GNAZ: variants seen among roughly 807,000 people sequenced by gnomAD.
The protein encoded by GNAZ is guanine nucleotide-binding protein G(z) subunit alpha.
In GNAZ, 3 loss-of-function variants were observed where a neutral mutation model predicts 25.4. The observed-to-expected ratio is 0.12, with a 90% CI of 0.05 to 0.30. The LOEUF is 0.30. GNAZ is among the 10% of genes least tolerant of loss of function. GNAZ has a pLI of 1.00. For missense variants in GNAZ, 241 were observed against 501.8 expected, an observed-to-expected ratio of 0.48 and a Z score of 4.97; for synonymous variants, 211 against 205.7, an observed-to-expected ratio of 1.03 and a Z score of -0.22.
chr22:23,110,124 G>A (rs1377021291), intron 2 of GNAZ, among the ~76,000 whole-genome samples: 1 of 152,240 alleles, frequency 6.6e-6, no homozygotes, highest in Non-Finnish European at 1.5e-5. Flanking sequence ...AGCAGTGGGA[G>A]GATGACCAGG....
At chr22:23,076,245 C>A (rs999856684) in intron 1 of GNAZ, among the ~76,000 whole-genome samples, 1 of 152,350 alleles carries the variant, frequency 6.6e-6, no homozygotes, top group East Asian at 1.9e-4. Context: ...GCGTGACCTG[C>A]TCCCTATTTG....
Position 23,073,475 on chromosome 22 carries a change from G to A in GNAZ, c.-450+2905G>A, listed in dbSNP as rs184094863. 3.1e-4 allele frequency among the ~76,000 whole-genome samples: 47 copies of A among 152,354 alleles called. No homozygotes were observed. In the East Asian group the frequency reaches 6.0e-3, roughly 19 times the overall value. ...CAGTCTAGGTGGCAGAAGACCTGGA[G>A]TCAGGTCCTGGTCCCACCATCCTAG... On this transcript the variant is annotated intron_variant, in intron 1 of 2. Coordinates refer to ENST00000615612, the MANE Select transcript of GNAZ (RefSeq NM_002073.4).
At chr22:23,089,956 G>T (rs190796256) in intron 1 of GNAZ, among the ~76,000 whole-genome samples, 22 of 152,302 alleles carry the variant, frequency 1.4e-4, no homozygotes, top group African/African-American at 5.3e-4. Flanking sequence ...GGGCTTCTTG[G>T]CCTCTGGCTG....
intron 2 of GNAZ, among the ~76,000 whole-genome samples, chr22:23,099,895 CTTG>C (rs2069244889): frequency 6.6e-6 from 1 of 152,268 alleles, no homozygotes; most frequent in Non-Finnish European, 1.5e-5. Context: ...TAGGTGGGCA[CTTG>C]TTGCCCAACC....
At chr22:23,082,115 ACTCCGCCTC>A (rs2068697768) in intron 1 of GNAZ, among the ~76,000 whole-genome samples, 1 of 136,586 alleles carries the variant, frequency 7.3e-6, no homozygotes, top group African/African-American at 2.9e-5. Flanking sequence ...ACAGAGCAAG[ACTCCGCCTC>A]AAAAAAAAAA....
chr22:23,086,651 T>C (rs577653010), intron 1 of GNAZ, among the ~76,000 whole-genome samples: 11 of 152,326 alleles, frequency 7.2e-5, no homozygotes, highest in Admixed American at 2.6e-4. Context: ...CAGCCCACAG[T>C]TGCCCCTGAC....
At chr22:23,105,184 C>T (rs571730855) in intron 2 of GNAZ, among the ~76,000 whole-genome samples, 2 of 152,190 alleles carry the variant, frequency 1.3e-5, no homozygotes, top group Non-Finnish European at 2.9e-5. Context: ...CACACCTTTT[C>T]CTGGCCTGTG....
intron 1 of GNAZ, among the ~76,000 whole-genome samples, chr22:23,070,985 G>A (rs555269271): frequency 2.6e-4 from 40 of 152,254 alleles, no homozygotes; most frequent in Non-Finnish European, 5.1e-4. Flanking sequence ...GGGAGGATCA[G>A]GGAGGGGCGG....
intron 2 of GNAZ, among the ~76,000 whole-genome samples, chr22:23,099,860 G>T (rs890579629): frequency 1.3e-5 from 2 of 152,254 alleles, no homozygotes; most frequent in Non-Finnish European, 2.9e-5. Flanking sequence ...TCTTCACTCG[G>T]CCCCACTGGA....
At chr22:23,112,458 C>G (rs1317553578) in intron 2 of GNAZ, among the ~76,000 whole-genome samples, 1 of 152,126 alleles carries the variant, frequency 6.6e-6, no homozygotes, top group African/African-American at 2.4e-5. Flanking sequence ...TGCCAGGGTG[C>G]AGCCAGGAGG....
chr22:23,088,122 C>T (rs185486445), intron 1 of GNAZ, among the ~76,000 whole-genome samples: 1 of 152,238 alleles, frequency 6.6e-6, no homozygotes, highest in Admixed American at 6.5e-5. Flanking sequence ...AGTTAAATCT[C>T]TTTCACTGTC....
intron 1 of GNAZ, among the ~76,000 whole-genome samples, chr22:23,086,897 C>T (rs7292246): frequency 2.0e-5 from 3 of 152,186 alleles, no homozygotes; most frequent in Admixed American, 6.5e-5. Context: ...GAGGCCCCTA[C>T]AGGTCCAGGC....
rs561016334 is a variant in GNAZ, at chr22:23,075,407, C to T, written c.-450+4837C>T. On this transcript the variant is annotated intron_variant, in intron 1 of 2. Coordinates refer to ENST00000615612, the MANE Select transcript of GNAZ (RefSeq NM_002073.4). ...GGTCTGTGGACCCTTGGGCAAGAGG[C>T]AGCAGGAGGCACATCTTGAGGTTGA... Among the ~76,000 whole-genome samples the T allele has an allele frequency of 8.5e-5, 13 of 152,328 alleles. No individual in the cohort carries two copies. The East Asian group carries it at 1.9e-3, about 23-fold the overall frequency.
intron 1 of GNAZ, among the ~76,000 whole-genome samples, chr22:23,078,328 G>A (rs982355155): frequency 1.3e-5 from 2 of 152,230 alleles, no homozygotes; most frequent in African/African-American, 4.8e-5. Flanking sequence ...GCCAGTGCCA[G>A]GCATTGATTT....
At chr22:23,082,530 TTTTG>T (rs1185521066) in intron 1 of GNAZ, among the ~76,000 whole-genome samples, 3 of 152,060 alleles carry the variant, frequency 2.0e-5, no homozygotes, top group African/African-American at 4.8e-5. Context: ...CGTTGTGTTT[TTTTG>T]TTTATTTTTG....
At chr22:23,103,750 C>T (rs1400542992) in intron 2 of GNAZ, among the ~76,000 whole-genome samples, 2 of 152,192 alleles carry the variant, frequency 1.3e-5, no homozygotes, top group Non-Finnish European at 2.9e-5. Flanking sequence ...ATGTGTGGGC[C>T]CTGGGCCTGA....
At chr22:23,084,554 A>G (rs994739651) in intron 1 of GNAZ, among the ~76,000 whole-genome samples, 1 of 152,232 alleles carries the variant, frequency 6.6e-6, no homozygotes, top group African/African-American at 2.4e-5. Context: ...CTTCTTGCAG[A>G]CAGCCACACT....
chr22:23,081,648 C>A (rs191933824), intron 1 of GNAZ, among the ~76,000 whole-genome samples: 2 of 151,900 alleles, frequency 1.3e-5, no homozygotes, highest in East Asian at 3.9e-4. Context: ...ATGGCAAAAC[C>A]CTGTCTCTAC....
chr22:23,106,741 C>T (rs2069491556), intron 2 of GNAZ, among the ~76,000 whole-genome samples: 2 of 152,260 alleles, frequency 1.3e-5, no homozygotes, highest in Admixed American at 1.3e-4. Context: ...ACTGCATGCA[C>T]AACCTCTAAG....
Sources: gnomAD v4.1 joint callset for allele counts (sites outside exome capture counted in the v4.1 genomes callset) on GRCh38, gnomAD v4.1.1 for gene constraint, MANE v1.5 for transcripts, NCBI Gene and HGNC (gene_info 2026-07-23, HGNC 2026-07-21) for gene names.